Variants in TPST2 observed in about 807,000 individuals in gnomAD.
TPST2 encodes tyrosylprotein sulfotransferase 2, also known as protein-tyrosine sulfotransferase 2.
TPST2 carries 16 observed loss-of-function variants against 27.8 expected under a neutral mutation model. The ratio of observed to expected loss-of-function variants is 0.58; its 90% CI spans 0.39 to 0.88. TPST2 has a LOEUF of 0.88. TPST2 is among the 40% of genes least tolerant of loss of function. The pLI is 0.00. For synonymous variants in TPST2, 229 were observed against 231.7 expected (o/e 0.99, Z 0.10); for missense variants, 464 against 543.1 (o/e 0.85, Z 1.45).
intron 1 of TPST2, among the ~76,000 whole-genome samples, chr22:26,585,977 A>G (rs9613219): frequency 0.33 from 50,751 of 151,946 alleles, 8,993 homozygotes; most frequent in Admixed American, 0.43. Flanking sequence ...CGGGAGGTAG[A>G]GCTTGGAGTG....
At chr22:26,543,318 G>A (rs903694174) in intron 2 of TPST2, 1 of 152,206 alleles carries the variant, frequency 6.6e-6, no homozygotes, top group African/African-American at 2.4e-5. Context: ...TTCCTGCGGG[G>A]AGGCAGGCTG....
chr22:26,577,914 A>G (rs968912352), intron 1 of TPST2, among the ~76,000 whole-genome samples: 2 of 151,670 alleles, frequency 1.3e-5, no homozygotes, highest in African/African-American at 4.8e-5. Flanking sequence ...TAGACCTCCT[A>G]AAGTGCTAGG....
chr22:26,545,840 G>C (rs907009250), intron 1 of TPST2, among the ~76,000 whole-genome samples: 4 of 152,320 alleles, frequency 2.6e-5, no homozygotes, highest in Non-Finnish European at 4.4e-5. Context: ...AGCACTTTGG[G>C]AGGCAGAGGC....
At chr22:26,559,242 T>C (rs1035017075) in intron 1 of TPST2, among the ~76,000 whole-genome samples, 1 of 152,236 alleles carries the variant, frequency 6.6e-6, no homozygotes, top group Non-Finnish European at 1.5e-5. Context: ...GGCAGATGCC[T>C]GTAATCCCAG....
chr22:26,538,767 G>A (rs1178813605), intron 3 of TPST2, among the ~76,000 whole-genome samples: 6 of 151,850 alleles, frequency 4.0e-5, no homozygotes, highest in Non-Finnish European at 8.8e-5. Flanking sequence ...AGGTTGCAGT[G>A]AGCCGAGATC....
At chr22:26,564,373 C>T (rs1927281379) in intron 1 of TPST2, among the ~76,000 whole-genome samples, 1 of 152,216 alleles carries the variant, frequency 6.6e-6, no homozygotes, top group Non-Finnish European at 1.5e-5. Context: ...GCGCCACTGG[C>T]AAGGCTGCTG....
intron 1 of TPST2, among the ~76,000 whole-genome samples, chr22:26,555,047 C>T (rs1926714071): frequency 1.3e-5 from 2 of 152,184 alleles, no homozygotes; most frequent in Non-Finnish European, 2.9e-5. Flanking sequence ...CTGAATAGCC[C>T]AAAACTTTAA....
chr22:26,533,815 T>C (rs9613198), intron 4 of TPST2, among the ~76,000 whole-genome samples: 5,126 of 152,118 alleles, frequency 0.034, 123 homozygotes, highest in Non-Finnish European at 0.053. Context: ...GCTGGGACTA[T>C]AGGCACGTGC....
chr22:26,542,562 C>G (rs541181681), intron 2 of TPST2, among the ~76,000 whole-genome samples: 11 of 152,320 alleles, frequency 7.2e-5, no homozygotes, highest in African/African-American at 2.6e-4. Flanking sequence ...CTGGGAGCCT[C>G]AGCCTCCAAA....
chr22:26,558,936 A>G (rs1377523624), intron 1 of TPST2, among the ~76,000 whole-genome samples: 3 of 152,266 alleles, frequency 2.0e-5, no homozygotes, highest in Non-Finnish European at 4.4e-5. Context: ...CAGAAAGAAA[A>G]AAATCAGTAA....
intron 1 of TPST2, among the ~76,000 whole-genome samples, chr22:26,583,436 C>CAAAAAAAAAAAAAAAAA: frequency 1.6e-5 from 1 of 63,648 alleles, no homozygotes; most frequent in Non-Finnish European, 2.9e-5. Context: ...AACTCCATCT[C>CAAAAAAAAAAAAAAAAA]AAAAAAAAAA....
intron 1 of TPST2, among the ~76,000 whole-genome samples, chr22:26,549,800 G>C (rs1189419305): frequency 6.6e-6 from 1 of 150,570 alleles, no homozygotes; most frequent in Admixed American, 6.6e-5. Flanking sequence ...GGAGGCCGAG[G>C]CAGGTGGATC....
chr22:26,538,331 T>C (rs1294628228), intron 3 of TPST2, among the ~76,000 whole-genome samples: 1 of 152,238 alleles, frequency 6.6e-6, no homozygotes, highest in South Asian at 2.1e-4. Flanking sequence ...ATCTTGAGTA[T>C]GTGCATGGCT....
At chr22:26,537,818 A>T (rs2267081) in intron 3 of TPST2, among the ~76,000 whole-genome samples, 8,653 of 151,818 alleles carry the variant, frequency 0.057, 298 homozygotes, top group Middle Eastern at 0.082. Context: ...TCTCTCTCTC[A>T]CACACACACA....
At chr22:26,537,860 C>T (rs979183996) in intron 3 of TPST2, among the ~76,000 whole-genome samples, 3 of 152,148 alleles carry the variant, frequency 2.0e-5, no homozygotes, top group African/African-American at 4.8e-5. Context: ...AAAACAAATA[C>T]GCTAGTTTTT....
intron 1 of TPST2, among the ~76,000 whole-genome samples, chr22:26,585,728 C>T (rs867319129): frequency 6.6e-6 from 1 of 152,304 alleles, no homozygotes; most frequent in Middle Eastern, 3.4e-3. Context: ...GCCACTCTTA[C>T]TACAAATACA....
Position 26,541,525 on chromosome 22 carries a change from C to T in TPST2, c.106G>A (p.Ala36Thr), listed in dbSNP as rs1925831844. 2 of 1,611,884 alleles carry T rather than the reference C, an allele frequency of 1.2e-6. No homozygotes were observed. The highest frequency in any genetic ancestry group is 2.7e-5 in the African/African-American group (2 of 75,034). The change falls in exon 3 of 7, where the codon GCG (alanine) becomes ACG (threonine). Residue 36 changes from alanine (A) to threonine (T), a missense_variant. By Grantham distance (58) the Ala-to-Thr change is moderately conservative (BLOSUM62 0). Transcript: ENST00000338754. The surrounding 1 kb of genome is among the most constrained non-coding windows in gnomAD (Gnocchi z 5.9). ...QQVLECRAVLAGLRSPRGAMR... is the reference protein window; with the variant it reads ...QQVLECRAVLTGLRSPRGAMR... ...GCCCCCCGGGGGCTCCGCAGGCCCG[C>T]CAGCACCGCCCGGCACTCTAGCACC...
intron 3 of TPST2, among the ~76,000 whole-genome samples, chr22:26,537,253 G>A (rs1326963681): frequency 1.3e-5 from 2 of 152,186 alleles, no homozygotes; most frequent in Non-Finnish European, 2.9e-5. Flanking sequence ...GTAGTTAAGA[G>A]CAAACCAGGG....
rs762445109 is a variant in TPST2, at chr22:26,525,987, G to C, written c.*288C>G. 3.9e-5 allele frequency: 6 copies of C among 152,088 alleles called. No homozygotes were observed. Among genetic ancestry groups the C allele is most frequent in the Non-Finnish European group, 8.8e-5 (6 of 68,006 alleles). The allele number at this position is 152,088 out of a possible 1,614,324, so 9.4% of individuals were successfully genotyped here. A position where few individuals can be genotyped will look rare whatever the true frequency, so the allele number is the denominator to read the frequency against. On this transcript the variant is annotated 3_prime_UTR_variant, in exon 7 of 7. Transcript: ENST00000338754. ...GCAAATTAAGGAGGATGGCAAATCT[G>C]TCTCTTAAAAAAAAGTTCTTGAGGG...
Sources: allele counts gnomAD v4.1 joint callset (sites outside exome capture counted in the v4.1 genomes callset), GRCh38; gene constraint gnomAD v4.1.1; non-coding constraint Gnocchi (gnomAD v3.1); transcripts MANE v1.5; gene names NCBI Gene and HGNC (gene_info 2026-07-23, HGNC 2026-07-21).